The following DPP6 variants were observed in gnomAD, a reference collection of about 807,000 sequenced individuals.
DPP6 encodes the protein A-type potassium channel modulatory protein DPP6.
A neutral mutation model predicts 122.6 loss-of-function variants in DPP6; 69 were observed. The observed-to-expected ratio is 0.56, with a 90% CI of 0.46 to 0.69. The LOEUF (loss-of-function observed/expected upper bound fraction) is 0.69, where lower values mean the gene tolerates loss of function less well. Among genes scored for constraint, DPP6 ranks in the 30% least tolerant of loss-of-function variants. The probability of loss-of-function intolerance (pLI) is 0.00; values close to 1 mark genes in which losing one functional copy is unlikely to be tolerated. For synonymous variants in DPP6, 418 were observed against 433.1 expected (o/e 0.97, Z 0.43); for missense variants, 928 against 1,116.9 (o/e 0.83, Z 2.41).
chr7:154,149,932 C>G (rs1422339020), intron 1 of DPP6, among the ~76,000 whole-genome samples: 1 of 152,104 alleles, frequency 6.6e-6, no homozygotes, highest in Non-Finnish European at 1.5e-5. Flanking sequence ...GCTTCCCACA[C>G]AAGCTCATTG....
At chr7:154,236,450 C>A (rs1801219331) in intron 1 of DPP6, among the ~76,000 whole-genome samples, 1 of 152,162 alleles carries the variant, frequency 6.6e-6, no homozygotes, top group African/African-American at 2.4e-5. Flanking sequence ...TTTTACGCAA[C>A]AAAAATTGGG....
chr7:154,693,849 A>G (rs577665505), intron 7 of DPP6, among the ~76,000 whole-genome samples: 1 of 152,260 alleles, frequency 6.6e-6, no homozygotes, highest in African/African-American at 2.4e-5. Context: ...GTTTCTGTCT[A>G]AGTCTGGGCA....
chr7:154,779,551 C>T (rs183644498), intron 10 of DPP6, among the ~76,000 whole-genome samples: 4 of 152,328 alleles, frequency 2.6e-5, no homozygotes, highest in East Asian at 3.9e-4. Flanking sequence ...ACGAGTCTTC[C>T]GTCACCAGAG....
intron 4 of DPP6, among the ~76,000 whole-genome samples, chr7:154,557,313 G>A (rs1368250453): frequency 2.6e-5 from 4 of 152,248 alleles, no homozygotes; most frequent in South Asian, 2.1e-4. Context: ...CACTGTCTCC[G>A]GCAGCATCGT....
intron 16 of DPP6, among the ~76,000 whole-genome samples, chr7:154,837,216 A>G (rs755867444): frequency 8.6e-5 from 13 of 151,628 alleles, no homozygotes; most frequent in Admixed American, 2.6e-4. Context: ...ACACATGCAC[A>G]CACATGCACA....
At position 154,849,133 on chromosome 7, in the gene DPP6, T is replaced by C. The variant is rs75554223; in HGVS notation, c.1667-4647T>C. Among the ~76,000 whole-genome samples the C allele has an allele frequency of 8.4e-3, 1,278 of 152,328 alleles. 18 individuals are homozygous for C. The highest frequency in any genetic ancestry group is 0.028 in the African/African-American group (1,174 of 41,574). ...TTATTCTTTTTGAACAAGATTGCTT[T>C]GGCTATTTGGGGTCTTTGTGGTTGC... On this transcript the variant is annotated intron_variant, in intron 16 of 25. Coordinates refer to ENST00000377770, the MANE Select transcript of DPP6 (RefSeq NM_130797.4).
In DPP6 at chr7:154,446,271, C is replaced by T; in HGVS notation, c.301C>T (p.Leu101Phe). 2.5e-6 allele frequency: 4 copies of T among 1,612,440 alleles called. No homozygotes were observed. The East Asian group carries it at 6.7e-5, about 27-fold the overall frequency. Reference protein sequence around the residue: ...RNWKGIAIALLVILVICSLIV... With the variant: ...RNWKGIAIALFVILVICSLIV... ...TTGGAAAGGAATAGCAATTGCACTG[C>T]TTGTCATTCTGGTCATCTGCTCCTT... The change falls in exon 2 of 26, where the codon CTT (leucine) becomes TTT (phenylalanine). Residue 101 changes from leucine to phenylalanine, a missense_variant. Physicochemically the swap from Leu to Phe is conservative, Grantham distance 22. Transcript: ENST00000377770.
chr7:153,951,521 C>A (rs535238992), intron 1 of DPP6, among the ~76,000 whole-genome samples: 1 of 152,200 alleles, frequency 6.6e-6, no homozygotes, highest in African/African-American at 2.4e-5. Flanking sequence ...ACCCAGGTGT[C>A]GGGGACTCTG....
chr7:154,042,899 G>C (rs1799833339), intron 1 of DPP6, among the ~76,000 whole-genome samples: 1 of 152,182 alleles, frequency 6.6e-6, no homozygotes, highest in Admixed American at 6.5e-5. Context: ...CAAGAGTTGG[G>C]TGTAGTTTAT....
intron 8 of DPP6, among the ~76,000 whole-genome samples, chr7:154,751,155 T>A (rs1051774491): frequency 2.0e-5 from 3 of 152,020 alleles, no homozygotes; most frequent in Non-Finnish European, 4.4e-5. Flanking sequence ...GGGTTGGAGA[T>A]GGGGAGCTTC....
chr7:154,412,516 G>T (rs1352867115), intron 1 of DPP6, among the ~76,000 whole-genome samples: 1 of 152,102 alleles, frequency 6.6e-6, no homozygotes, highest in Non-Finnish European at 1.5e-5. Flanking sequence ...CTTCTTAGAG[G>T]CCCCATCTCT....
At chr7:153,886,688 A>C (rs1798929305), upstream of DPP6, among the ~76,000 whole-genome samples, 1 of 152,272 alleles carries the variant, frequency 6.6e-6, no homozygotes, top group African/African-American at 2.4e-5. Context: ...GCGGATGCAG[A>C]GGCCAACCCA....
intron 7 of DPP6, among the ~76,000 whole-genome samples, chr7:154,688,021 A>G (rs1396938982): frequency 6.6e-6 from 1 of 152,222 alleles, no homozygotes; most frequent in Admixed American, 6.5e-5. Context: ...TGTTCCACTC[A>G]TCTTTTGTCC....
At chr7:154,825,405 T>G (rs1048018218) in intron 16 of DPP6, among the ~76,000 whole-genome samples, 25 of 152,238 alleles carry the variant, frequency 1.6e-4, no homozygotes, top group African/African-American at 5.1e-4. Flanking sequence ...GTAATACATT[T>G]CTCCCACTTC....
intron 4 of DPP6, among the ~76,000 whole-genome samples, chr7:154,541,907 G>GA (rs1658860322): frequency 6.6e-6 from 1 of 152,196 alleles, no homozygotes; most frequent in Admixed American, 6.5e-5. Flanking sequence ...TGGTGTCCCA[G>GA]AAGCCTGTGT....
intron 1 of DPP6, among the ~76,000 whole-genome samples, chr7:154,311,809 A>G (rs188022754): frequency 3.3e-4 from 50 of 152,276 alleles, no homozygotes; most frequent in Admixed American, 2.7e-3. Context: ...ATTTTCTCAT[A>G]CTTGACTCTT....
chr7:153,790,070 T>C, the DPP6 span, among the ~76,000 whole-genome samples: 1 of 152,128 alleles, frequency 6.6e-6, no homozygotes, highest in African/African-American at 2.4e-5. Context: ...ACAAAATGAA[T>C]AATTTCAGTA....
At chr7:153,857,558 T>G in the DPP6 span, among the ~76,000 whole-genome samples, 3 of 152,146 alleles carry the variant, frequency 2.0e-5, no homozygotes, top group African/African-American at 4.8e-5. Context: ...CGGAGAAGGT[T>G]TGGGGATATA....
At chr7:153,796,946 G>C in the DPP6 span, among the ~76,000 whole-genome samples, 3 of 152,312 alleles carry the variant, frequency 2.0e-5, no homozygotes, top group Non-Finnish European at 2.9e-5. Context: ...GTTACAAGAA[G>C]ACTATGGCTT....
Sources: gnomAD v4.1 joint callset for allele counts (sites outside exome capture counted in the v4.1 genomes callset) on GRCh38, gnomAD v4.1.1 for gene constraint, MANE v1.5 for transcripts, NCBI Gene and HGNC (gene_info 2026-07-23, HGNC 2026-07-21) for gene names.